Variants in ZDHHC21 observed in about 807,000 individuals in gnomAD.
The protein encoded by ZDHHC21 is zDHHC palmitoyltransferase 21.
ZDHHC21 carries 15 observed loss-of-function variants against 34.6 expected under a neutral mutation model. The observed-to-expected ratio is 0.43, with a 90% CI of 0.29 to 0.67. The LOEUF (loss-of-function observed/expected upper bound fraction) is 0.67, where lower values mean the gene tolerates loss of function less well. Among genes scored for constraint, ZDHHC21 ranks in the 30% least tolerant of loss-of-function variants. The pLI is 0.14. For synonymous variants in ZDHHC21, 142 were observed against 101.8 expected, an observed-to-expected ratio of 1.40 and a Z score of -2.38; for missense variants, 344 against 327.7, an observed-to-expected ratio of 1.05 and a Z score of -0.38.
At chr9:14,653,120 C>T (rs943529242) in intron 7 of ZDHHC21, among the ~76,000 whole-genome samples, 3 of 151,852 alleles carry the variant, frequency 2.0e-5, no homozygotes, top group Non-Finnish European at 2.9e-5. Flanking sequence ...TAGGGACCTT[C>T]GGGGATCTTA....
chr9:14,652,344 T>C (rs1283232523), intron 7 of ZDHHC21, among the ~76,000 whole-genome samples: 1 of 151,890 alleles, frequency 6.6e-6, no homozygotes, highest in Non-Finnish European at 1.5e-5. Context: ...AAAAAATAAA[T>C]CCTAAATTTG....
intron 7 of ZDHHC21, among the ~76,000 whole-genome samples, chr9:14,655,562 C>T (rs1246933106): frequency 4.6e-5 from 7 of 151,778 alleles, no homozygotes; most frequent in African/African-American, 1.7e-4. Flanking sequence ...ATGATGATGA[C>T]AGAGGGTGTT....
chr9:14,627,299 C>A (rs966272350), intron 8 of ZDHHC21, among the ~76,000 whole-genome samples: 6 of 152,080 alleles, frequency 3.9e-5, no homozygotes, highest in African/African-American at 1.4e-4. Flanking sequence ...AAAACTGTCA[C>A]CCCTGCATTT....
chr9:14,626,986 G>A (rs1048893537), intron 8 of ZDHHC21, among the ~76,000 whole-genome samples: 2 of 151,980 alleles, frequency 1.3e-5, no homozygotes, highest in African/African-American at 4.8e-5. Flanking sequence ...AGAAGTATAT[G>A]TGAGCTGGGG....
At chr9:14,679,882 T>C (rs1837074030) in intron 3 of ZDHHC21, among the ~76,000 whole-genome samples, 151 bp downstream of exon 3, 1 of 152,160 alleles carries the variant, frequency 6.6e-6, no homozygotes, top group Non-Finnish European at 1.5e-5. Flanking sequence ...AAAACAGGTT[T>C]GGTTAAAATT....
chr9:14,655,117 T>G (rs759490363), intron 7 of ZDHHC21, among the ~76,000 whole-genome samples: 11 of 151,894 alleles, frequency 7.2e-5, no homozygotes, highest in Non-Finnish European at 1.5e-4. Flanking sequence ...TAAAAACAGC[T>G]AAAGAAAAAC....
intron 2 of ZDHHC21, among the ~76,000 whole-genome samples, chr9:14,689,005 G>A (rs1838773922): frequency 6.6e-6 from 1 of 151,844 alleles, no homozygotes; most frequent in Admixed American, 6.6e-5. Flanking sequence ...AGCTGTGACT[G>A]CACTGCACTC....
chr9:14,604,577 G>A, the ZDHHC21 span, among the ~76,000 whole-genome samples: 2 of 151,884 alleles, frequency 1.3e-5, no homozygotes, highest in Non-Finnish European at 2.9e-5. Context: ...CATGTTTTTA[G>A]AAAACAAAGT....
Position 14,655,629 on chromosome 9 carries a change from T to C in ZDHHC21, c.504+3120A>G, listed in dbSNP as rs533937646. 6.6e-5 allele frequency among the ~76,000 whole-genome samples: 10 copies of C among 151,824 alleles called. 2 individuals are homozygous for C. In the South Asian group the frequency reaches 2.1e-3, roughly 32 times the overall value. On this transcript the variant is annotated intron_variant, in intron 7 of 9. Coordinates refer to ENST00000380916, the MANE Select transcript of ZDHHC21 (RefSeq NM_178566.6). ...GGTAAAGTACTAACTTATATTATACTTCAAAAAAATCAGAATAATGTTTTC... is the reference window on the plus strand; with the variant it reads ...GGTAAAGTACTAACTTATATTATACCTCAAAAAAATCAGAATAATGTTTTC...
intron 6 of ZDHHC21, among the ~76,000 whole-genome samples, chr9:14,661,770 T>A (rs1480168421): frequency 6.6e-6 from 1 of 152,162 alleles, no homozygotes; most frequent in African/African-American, 2.4e-5. Flanking sequence ...TTAAAAAGCT[T>A]TAAGGGGTAA....
At chr9:14,646,493 A>G (rs1281081458) in intron 7 of ZDHHC21, among the ~76,000 whole-genome samples, 6 of 151,106 alleles carry the variant, frequency 4.0e-5, no homozygotes, top group South Asian at 2.1e-4. Flanking sequence ...AATTTGTCAA[A>G]TAAGACACAG....
At chr9:14,619,538 G>A in intron 9 of ZDHHC21, 101 bp downstream of exon 9, 1 of 985,708 alleles carries the variant, frequency 1.0e-6, no homozygotes, top group East Asian at 3.0e-5. Context: ...CCAAGAAAAA[G>A]CCATCATTAT....
chr9:14,599,809 A>C, the ZDHHC21 span, among the ~76,000 whole-genome samples: 3 of 151,926 alleles, frequency 2.0e-5, no homozygotes, highest in Non-Finnish European at 4.4e-5. Context: ...TATCCACCAC[A>C]ATCAAGTGGG....
intron 8 of ZDHHC21, among the ~76,000 whole-genome samples, chr9:14,631,066 T>C (rs1827257372): frequency 6.6e-6 from 1 of 152,224 alleles, no homozygotes; most frequent in Non-Finnish European, 1.5e-5. Context: ...CTTGAAGCTT[T>C]GAAGCCAGGT....
At chr9:14,674,659 G>C (rs1033805166) in intron 3 of ZDHHC21, among the ~76,000 whole-genome samples, 4 of 152,044 alleles carry the variant, frequency 2.6e-5, no homozygotes, top group African/African-American at 9.6e-5. Flanking sequence ...GGTATAAACT[G>C]GAATCATCTA....
chr9:14,607,691 G>T (rs1291478132), downstream of ZDHHC21, among the ~76,000 whole-genome samples: 1 of 151,984 alleles, frequency 6.6e-6, no homozygotes, highest in Non-Finnish European at 1.5e-5. Context: ...TTTAAAAACT[G>T]ATCAATTTTT....
chr9:14,625,651 A>G (rs547490694), intron 8 of ZDHHC21, among the ~76,000 whole-genome samples: 1 of 152,066 alleles, frequency 6.6e-6, no homozygotes, highest in South Asian at 2.1e-4. Context: ...CCTACTACCT[A>G]CTTTTTGAGA....
At chr9:14,637,451 C>A (rs1377915315) in intron 8 of ZDHHC21, among the ~76,000 whole-genome samples, 1 of 151,978 alleles carries the variant, frequency 6.6e-6, no homozygotes, top group Non-Finnish European at 1.5e-5. Context: ...AACTTCACTG[C>A]AAATTCTACC....
intron 7 of ZDHHC21, among the ~76,000 whole-genome samples, chr9:14,652,299 A>G (rs539535041): frequency 6.6e-6 from 1 of 151,892 alleles, no homozygotes; most frequent in African/African-American, 2.4e-5. Flanking sequence ...TTTTTTTAGT[A>G]TAAGACTCAG....
Sources: gnomAD v4.1 joint callset for allele counts (sites outside exome capture counted in the v4.1 genomes callset) on GRCh38, gnomAD v4.1.1 for gene constraint, MANE v1.5 for transcripts, NCBI Gene and HGNC (gene_info 2026-07-23, HGNC 2026-07-21) for gene names.